ZNF234: variants seen among roughly 807,000 people sequenced by gnomAD.
The protein encoded by ZNF234 is zinc finger protein 234, also known as C2-H2 type zinc finger protein.
In ZNF234, 4 loss-of-function variants were observed where a neutral mutation model predicts 10.3. That is an observed-to-expected ratio of 0.39 (90% CI 0.19 to 0.89). The LOEUF (loss-of-function observed/expected upper bound fraction) is 0.89. ZNF234 is among the 40% of genes least tolerant of loss of function. The probability of loss-of-function intolerance (pLI) is 0.38; values close to 1 mark genes in which losing one functional copy is unlikely to be tolerated. For missense variants in ZNF234, 711 were observed against 836.1 expected (o/e 0.85, Z 1.85); for synonymous variants, 258 against 280.1 (o/e 0.92, Z 0.79).
intron 5 of ZNF234, among the ~76,000 whole-genome samples, chr19:44,153,243 T>G (rs957081415): frequency 2.0e-5 from 3 of 149,162 alleles, no homozygotes; most frequent in African/African-American, 7.4e-5. Flanking sequence ...GTGTCACGGT[T>G]GGAAATTGTC....
intron 5 of ZNF234, among the ~76,000 whole-genome samples, chr19:44,154,851 G>A (rs1444420035): frequency 2.6e-5 from 4 of 151,892 alleles, no homozygotes; most frequent in African/African-American, 7.3e-5. Context: ...TGCCCAGGCT[G>A]GTCTTGAACT....
chr19:44,146,589 G>A (rs750584934), intron 3 of ZNF234, among the ~76,000 whole-genome samples: 2 of 152,106 alleles, frequency 1.3e-5, no homozygotes, highest in African/African-American at 2.4e-5. Flanking sequence ...ATACCTTACA[G>A]AGTATTAAGA....
chr19:44,146,816 T>C (rs917740349), intron 3 of ZNF234, among the ~76,000 whole-genome samples: 16 of 138,412 alleles, frequency 1.2e-4, no homozygotes, highest in Admixed American at 5.1e-4. Flanking sequence ...CTTTTTTTTT[T>C]TTTTTTTTTT....
intron 2 of ZNF234, among the ~76,000 whole-genome samples, chr19:44,144,316 T>C (rs1339904908): frequency 6.6e-6 from 1 of 152,240 alleles, no homozygotes; most frequent in African/African-American, 2.4e-5. Context: ...CCAAGGTTCA[T>C]GCATGTTGTA....
Position 44,159,657 on chromosome 19 carries a change from C to T in ZNF234, c.*1538C>T, listed in dbSNP as rs762511820. The T allele has an allele frequency of 5.2e-5, 24 of 459,940 alleles. No homozygotes were observed. The highest frequency in any genetic ancestry group is 4.7e-4 in the African/African-American group (24 of 50,840). 28.5% of individuals were successfully genotyped at this position (459,940 alleles called of 1,614,324 possible). The stretch of plus-strand genomic sequence containing the variant: ...CCAATGCCAAATTTTTATCAGCCCC[C>T]TTGAATTTATTTGATTTCTGACTTT... On this transcript the variant is annotated 3_prime_UTR_variant, in exon 6 of 6. Transcript: ENST00000426739.
At chr19:44,146,824 T>C (rs1018755823) in intron 3 of ZNF234, among the ~76,000 whole-genome samples, 8 of 144,046 alleles carry the variant, frequency 5.6e-5, no homozygotes, top group African/African-American at 2.0e-4. Context: ...TTTTTTTTTT[T>C]TTTTTTTTTG....
intron 3 of ZNF234, among the ~76,000 whole-genome samples, chr19:44,146,022 CCTT>C (rs1968581554): frequency 6.6e-6 from 1 of 152,148 alleles, no homozygotes; most frequent in Non-Finnish European, 1.5e-5. Flanking sequence ...ATATGAGAAA[CCTT>C]CTCAGATTGG....
chr19:44,146,367 T>C (rs956202216), intron 3 of ZNF234, among the ~76,000 whole-genome samples: 1 of 152,198 alleles, frequency 6.6e-6, no homozygotes, highest in African/African-American at 2.4e-5. Flanking sequence ...AAATGGTATT[T>C]CTAGTTCTAG....
chr19:44,146,724 A>T lies in ZNF234; in HGVS notation c.16-2047A>T, dbSNP rs548766831. ...TAATAGAATTGTTCTTCCTAATTAG[A>T]TTATCAAAACCATTGGAAAATTTAT... On this transcript the variant is annotated intron_variant, in intron 3 of 5. Coordinates refer to ENST00000426739, the MANE Select transcript of ZNF234 (RefSeq NM_006630.3). Among the ~76,000 whole-genome samples, 7 of 151,908 alleles carry T rather than the reference A, an allele frequency of 4.6e-5. No homozygotes were observed. In the South Asian group the frequency reaches 1.5e-3, roughly 32 times the overall value.
chr19:44,151,963 C>T lies in ZNF234; in HGVS notation c.235+1458C>T, dbSNP rs138774331. On this transcript the variant is annotated intron_variant, in intron 5 of 5. Coordinates refer to ENST00000426739, the MANE Select transcript of ZNF234 (RefSeq NM_006630.3). ...CATATTCTTAGGATGAGAATTAGAA[C>T]GTGGATTCTTTGGGGGTTGATTATT... Among the ~76,000 whole-genome samples, 49 of 152,288 alleles carry T rather than the reference C, an allele frequency of 3.2e-4. 1 individual carries two copies. Among genetic ancestry groups the T allele is most frequent in the African/African-American group, 1.1e-3 (45 of 41,574 alleles).
chr19:44,146,907 C>T (rs1299170744), intron 3 of ZNF234, among the ~76,000 whole-genome samples: 1 of 149,994 alleles, frequency 6.7e-6, no homozygotes. Flanking sequence ...CCTATGCCTC[C>T]CGGGTTCAAG....
At chr19:44,144,760 C>T (rs1968551386) in intron 3 of ZNF234, 113 bp downstream of exon 3, 2 of 906,730 alleles carry the variant, frequency 2.2e-6, no homozygotes, top group East Asian at 5.7e-5. Flanking sequence ...CTAAGTGCAT[C>T]CTTCTGCCTT....
rs751661791 is a variant in ZNF234, at chr19:44,148,877, T to TC, written c.123dup (p.Arg42GlnfsTer14). The TC allele has an allele frequency of 6.2e-6, 10 of 1,613,848 alleles. No individual in the cohort carries two copies. The Admixed American group carries it at 1.7e-4, about 27-fold the overall frequency. On this transcript the variant is annotated frameshift_variant, in exon 4 of 6. Transcript: ENST00000426739. LOFTEE classifies it high-confidence loss of function. ...TACCAAGATGTGATGCTGGAGAACT[T>TC]CAGGAACCTGCTGTCAGTGGGTGAG...
rs750329142 is a variant in ZNF234 at position 44,157,631 on chromosome 19, C to A, written c.1615C>A (p.Pro539Thr). Residue 539 changes from proline (P) to threonine (T), a missense_variant, in exon 6 of 6, where the codon CCA becomes ACA. Transcript: ENST00000426739. The part of the protein sequence containing the change: ...THQRVHSGEK[P>T]FKCEECGKSF... ...TCAGAGAGTTCACAGTGGGGAAAAA[C>A]CATTTAAATGTGAAGAGTGTGGGAA... 6.8e-6 allele frequency: 11 copies of A among 1,613,790 alleles called. No homozygotes were observed. The highest frequency in any genetic ancestry group is 1.3e-5 in the African/African-American group (1 of 74,802).
intron 4 of ZNF234, among the ~76,000 whole-genome samples, chr19:44,149,285 A>T (rs1277618373): frequency 6.6e-6 from 1 of 151,982 alleles, no homozygotes; most frequent in Admixed American, 6.6e-5. Flanking sequence ...ACCAAAAAAT[A>T]AAAAATACAA....
chr19:44,141,768 T>A lies in ZNF234; in HGVS notation c.-131+35T>A, dbSNP rs1032410295. The A allele has an allele frequency of 1.3e-5, 2 of 152,452 alleles. No homozygotes were observed. The highest frequency in any genetic ancestry group is 3.9e-4 in the East Asian group (2 of 5,174). The allele number at this position is 152,452 out of a possible 1,614,324, so 9.4% of individuals were successfully genotyped here. On this transcript the variant is annotated intron_variant, in intron 1 of 5. Coordinates refer to ENST00000426739, the MANE Select transcript of ZNF234 (RefSeq NM_006630.3). This position sits in a 1 kb window ranked among gnomAD's most constrained non-coding sequence, Gnocchi z 4.6. ...GGCGAGGGCGGCGGCTTTTGTTGTG[T>A]CAGCGGAGCCTTCTTGGGCTGGGGC...
intron 2 of ZNF234, among the ~76,000 whole-genome samples, chr19:44,143,800 A>G (rs962065678): frequency 6.6e-6 from 1 of 152,152 alleles, no homozygotes; most frequent in Non-Finnish European, 1.5e-5. Flanking sequence ...CAACAAGAGC[A>G]AAACTCTGTC....
At chr19:44,153,160 T>TATATATA (rs1568552108) in intron 5 of ZNF234, among the ~76,000 whole-genome samples, 1 of 64,938 alleles carries the variant, frequency 1.5e-5, no homozygotes, top group African/African-American at 1.0e-4. Flanking sequence ...TAATCATGTA[T>TATATATA]TCATCATATA....
rs774428759 is a variant in ZNF234, at chr19:44,157,088, C to T, written c.1072C>T (p.Gln358Ter). The T allele has an allele frequency of 6.2e-7, 1 of 1,614,044 alleles. No individual in the cohort carries two copies. Among genetic ancestry groups the T allele is most frequent in the Non-Finnish European group, 8.5e-7 (1 of 1,179,986 alleles). The change falls in exon 6 of 6, where the codon CAA becomes TAA. Residue 358 changes from glutamine to a stop codon, truncating the protein, a stop_gained. Coordinates refer to ENST00000426739, the MANE Select transcript of ZNF234 (RefSeq NM_006630.3). LOFTEE classifies it low-confidence loss of function (END_TRUNC). ...ECGKCFIQPS[Q>*]FQAHRRIHTG... ...TGGTAAGTGCTTTATTCAGCCTTCACAATTTCAGGCCCATCGGAGAATCCA... is the reference window on the plus strand; with the variant it reads ...TGGTAAGTGCTTTATTCAGCCTTCATAATTTCAGGCCCATCGGAGAATCCA...
Sources: gnomAD v4.1 joint callset for allele counts (sites outside exome capture counted in the v4.1 genomes callset) on GRCh38, gnomAD v4.1.1 for gene constraint, Gnocchi (gnomAD v3.1) non-coding constraint, MANE v1.5 for transcripts, NCBI Gene and HGNC (gene_info 2026-07-23, HGNC 2026-07-21) for gene names.